Variants in GPD2 observed in about 807,000 individuals in gnomAD.
GPD2 encodes glycerol-3-phosphate dehydrogenase, mitochondrial.
In GPD2, 54 loss-of-function variants were observed where a neutral mutation model predicts 82.4. That is an observed-to-expected ratio of 0.66 (90% CI 0.53 to 0.82). The LOEUF (loss-of-function observed/expected upper bound fraction) is 0.82. Ranked by LOEUF, GPD2 falls within the 40% of genes least tolerant of loss-of-function variation. The pLI, the probability that GPD2 is intolerant of heterozygous loss-of-function variation, is 0.00. For missense variants in GPD2, 748 were observed against 896.2 expected (o/e 0.83, Z 2.11); for synonymous variants, 288 against 306.1 (o/e 0.94, Z 0.62).
intron 6 of GPD2, 136 bp downstream of exon 6, chr2:156,513,632 C>T (rs1685088014): frequency 1.4e-6 from 1 of 709,594 alleles, no homozygotes; most frequent in African/African-American, 1.8e-5. Context: ...CGTGCACGCA[C>T]ATATTCACCA....
chr2:156,538,664 CAAA>C (rs1225604809), intron 6 of GPD2, among the ~76,000 whole-genome samples: 1 of 151,358 alleles, frequency 6.6e-6, no homozygotes, highest in African/African-American at 2.4e-5. Context: ...ACTAAAAATA[CAAA>C]AAAATTAGCT....
the GPD2 span, among the ~76,000 whole-genome samples, chr2:156,423,729 C>G: frequency 1.3e-5 from 2 of 152,172 alleles, no homozygotes; most frequent in East Asian, 3.8e-4. Flanking sequence ...AATCTTAAAA[C>G]AGTAAAATCA....
At chr2:156,517,367 A>C (rs887710141) in intron 6 of GPD2, among the ~76,000 whole-genome samples, 9 of 152,254 alleles carry the variant, frequency 5.9e-5, no homozygotes, top group African/African-American at 2.2e-4. Flanking sequence ...ACATAAATGG[A>C]GGAATAACTG....
chr2:156,496,196 G>T lies in GPD2; in HGVS notation c.255G>T (p.Ala85=), dbSNP rs764937237. ...GAGGAGCAACAGGAAGTGGCTGTGC[G>T]CTAGATGCTGTCACCAGAGGTAAGT... ...IGGGATGSGC[A]LDAVTRGLKT... Residue 85 remains alanine (A), a synonymous_variant, in exon 3 of 17, where the codon GCG becomes GCT. Coordinates refer to ENST00000438166, the MANE Select transcript of GPD2 (RefSeq NM_000408.5). 19 of 1,611,158 alleles carry T rather than the reference G, an allele frequency of 1.2e-5. No homozygotes were observed. Among genetic ancestry groups the T allele is most frequent in the Non-Finnish European group, 1.5e-5 (18 of 1,177,636 alleles).
chr2:156,479,114 G>A (rs298227), intron 2 of GPD2, among the ~76,000 whole-genome samples: 138,329 of 152,128 alleles, frequency 0.91, 64,013 homozygotes, highest in South Asian at 1. Context: ...TTTTGGTGAT[G>A]AGATAGTACT....
At chr2:156,455,071 A>G (rs1682743591) in intron 1 of GPD2, among the ~76,000 whole-genome samples, 1 of 151,986 alleles carries the variant, frequency 6.6e-6, no homozygotes, top group Non-Finnish European at 1.5e-5. Flanking sequence ...TGCTGCTCCC[A>G]GGGAGCAGTC....
intron 2 of GPD2, among the ~76,000 whole-genome samples, chr2:156,495,286 G>A (rs1684327830): frequency 6.6e-6 from 1 of 152,124 alleles, no homozygotes; most frequent in Non-Finnish European, 1.5e-5. Flanking sequence ...GGAGGATGAG[G>A]TTGCAGTAAG....
intron 6 of GPD2, among the ~76,000 whole-genome samples, chr2:156,548,601 C>T (rs925179585): frequency 1.3e-5 from 2 of 152,162 alleles, no homozygotes; most frequent in African/African-American, 4.8e-5. Flanking sequence ...GCTAGCCCTG[C>T]ACAGACTGAA....
chr2:156,569,607 C>T, intron 11 of GPD2, 69 bp downstream of exon 11: 2 of 897,448 alleles, frequency 2.2e-6, no homozygotes, highest in Non-Finnish European at 3.5e-6. Context: ...ACAGAACTGG[C>T]AGCAATCAGG....
chr2:156,449,765 C>T (rs889621066), intron 1 of GPD2, among the ~76,000 whole-genome samples: 2 of 150,128 alleles, frequency 1.3e-5, no homozygotes, highest in African/African-American at 4.9e-5. Flanking sequence ...AATCCCAGCA[C>T]TTTGGGAGGC....
At chr2:156,478,237 A>G (rs957877931) in intron 2 of GPD2, among the ~76,000 whole-genome samples, 1 of 152,200 alleles carries the variant, frequency 6.6e-6, no homozygotes, top group Non-Finnish European at 1.5e-5. Context: ...TTCCTGGGAC[A>G]TTTTGTCATT....
At chr2:156,491,878 G>A (rs1051678882) in intron 2 of GPD2, among the ~76,000 whole-genome samples, 3 of 151,854 alleles carry the variant, frequency 2.0e-5, no homozygotes, top group African/African-American at 7.3e-5. Flanking sequence ...AAATTAGCCA[G>A]GCGTGGTGGC....
chr2:156,545,547 T>G (rs1166039771), intron 6 of GPD2, among the ~76,000 whole-genome samples: 2 of 152,212 alleles, frequency 1.3e-5, no homozygotes, highest in Non-Finnish European at 2.9e-5. Flanking sequence ...CTATTCTAAT[T>G]GAGAAGTACT....
chr2:156,460,645 T>C (rs553745349), intron 1 of GPD2, among the ~76,000 whole-genome samples: 2 of 152,000 alleles, frequency 1.3e-5, no homozygotes. Context: ...TTATAATGAG[T>C]TGTGGGGTGA....
chr2:156,571,758 A>G (rs1484055187), intron 13 of GPD2, among the ~76,000 whole-genome samples: 3 of 152,174 alleles, frequency 2.0e-5, no homozygotes, highest in African/African-American at 7.2e-5. Context: ...ACACACACGC[A>G]CAACACATAC....
At position 156,526,267 on chromosome 2, in the gene GPD2, C is replaced by A. The variant is rs565528780; in HGVS notation, c.661+12771C>A. ...ATAAGTGAAAATAAAATCTTATTTC[C>A]TTTCTTTGGATACCACAAAACAATG... On this transcript the variant is annotated intron_variant, in intron 6 of 16. Transcript: ENST00000438166. 2.6e-5 allele frequency among the ~76,000 whole-genome samples: 4 copies of A among 152,166 alleles called. No homozygotes were observed. The South Asian group carries it at 8.3e-4, about 32-fold the overall frequency.
At chr2:156,462,415 A>C (rs1683018984) in intron 1 of GPD2, among the ~76,000 whole-genome samples, 1 of 148,688 alleles carries the variant, frequency 6.7e-6, no homozygotes, top group Non-Finnish European at 1.5e-5. Context: ...CCTCCCAAGT[A>C]GCTGGGATTC....
chr2:156,410,271 C>T, the GPD2 span, among the ~76,000 whole-genome samples: 1 of 152,084 alleles, frequency 6.6e-6, no homozygotes, highest in East Asian at 1.9e-4. Flanking sequence ...AGAATAATTC[C>T]TAGTCTAAAG....
At chr2:156,427,539 T>C in the GPD2 span, among the ~76,000 whole-genome samples, 1 of 152,338 alleles carries the variant, frequency 6.6e-6, no homozygotes, top group South Asian at 2.1e-4. Flanking sequence ...TCCCACAGGA[T>C]ACAAAATTGA....
Sources: gnomAD v4.1 joint callset for allele counts (sites outside exome capture counted in the v4.1 genomes callset) on GRCh38, gnomAD v4.1.1 for gene constraint, MANE v1.5 for transcripts, NCBI Gene and HGNC (gene_info 2026-07-23, HGNC 2026-07-21) for gene names.